The following NOX4 variants were observed in gnomAD, a reference collection of about 807,000 sequenced individuals.
NOX4 encodes NADPH oxidase 4.
Under a neutral mutation model 87.6 loss-of-function variants are expected in NOX4, and 69 were observed. The observed-to-expected ratio is 0.79, with a 90% CI of 0.65 to 0.96. The LOEUF is 0.96. Among genes scored for constraint, NOX4 ranks in the 40% least tolerant of loss-of-function variants. The pLI is 0.00. For missense variants in NOX4, 680 were observed against 681.5 expected, an observed-to-expected ratio of 1.00 and a Z score of 0.02; for synonymous variants, 275 against 238.2, an observed-to-expected ratio of 1.15 and a Z score of -1.42.
chr11:89,486,630 ATACATATATATG>A (rs1946627416), intron 2 of NOX4, among the ~76,000 whole-genome samples: 2 of 131,552 alleles, frequency 1.5e-5, no homozygotes, highest in African/African-American at 6.0e-5. Flanking sequence ...ATGTGTATAT[ATACATATATATG>A]TGTGTATATA....
At chr11:89,489,809 A>G (rs1441717532) in intron 2 of NOX4, among the ~76,000 whole-genome samples, 2 of 152,174 alleles carry the variant, frequency 1.3e-5, no homozygotes, top group African/African-American at 4.8e-5. Context: ...CAGTGACACT[A>G]TCTTCTGTTA....
At chr11:89,327,450 T>C (rs1486254011) in intron 17 of NOX4, among the ~76,000 whole-genome samples, 1 of 152,242 alleles carries the variant, frequency 6.6e-6, no homozygotes, top group African/African-American at 2.4e-5. Flanking sequence ...TCTAGTTCTT[T>C]TTTATTTATG....
At chr11:89,385,567 G>C (rs773012808) in intron 11 of NOX4, among the ~76,000 whole-genome samples, 5 of 152,230 alleles carry the variant, frequency 3.3e-5, no homozygotes, top group South Asian at 2.1e-4. Flanking sequence ...CTTTCATGTA[G>C]GTTACAAGCT....
chr11:89,467,621 C>G (rs968815209), intron 2 of NOX4, among the ~76,000 whole-genome samples: 65 of 152,132 alleles, frequency 4.3e-4, no homozygotes, highest in African/African-American at 1.5e-3. Context: ...TCTGAAGCCT[C>G]TTTCATAAAG....
intron 8 of NOX4, among the ~76,000 whole-genome samples, chr11:89,403,730 C>T (rs764951908): frequency 1.4e-4 from 22 of 151,902 alleles, no homozygotes; most frequent in Admixed American, 3.9e-4. Context: ...ACAATAAGAG[C>T]GAAACTCCGT....
intron 2 of NOX4, among the ~76,000 whole-genome samples, chr11:89,466,913 T>C (rs1945719944): frequency 6.6e-6 from 1 of 152,052 alleles, no homozygotes; most frequent in African/African-American, 2.4e-5. Context: ...TGAGAAATGA[T>C]GTGTAGCAAA....
At chr11:89,554,206 T>A in the NOX4 span, among the ~76,000 whole-genome samples, 1 of 152,100 alleles carries the variant, frequency 6.6e-6, no homozygotes, top group Admixed American at 6.6e-5. Context: ...GGATCTAGCG[T>A]TTTAAAATTG....
chr11:89,441,712 C>T (rs556098260), intron 5 of NOX4, among the ~76,000 whole-genome samples: 13 of 151,842 alleles, frequency 8.6e-5, no homozygotes, highest in Admixed American at 2.0e-4. Context: ...TAAGAAAACC[C>T]AGAAGATGGA....
intron 7 of NOX4, among the ~76,000 whole-genome samples, chr11:89,432,102 CA>C (rs920287202): frequency 2.9e-4 from 41 of 141,968 alleles, no homozygotes; most frequent in Admixed American, 9.5e-4. Flanking sequence ...ATCGCAAGGA[CA>C]AAAAACTATA....
chr11:89,395,500 T>C (rs1941422735), intron 11 of NOX4, among the ~76,000 whole-genome samples: 1 of 152,192 alleles, frequency 6.6e-6, no homozygotes, highest in African/African-American at 2.4e-5. Flanking sequence ...AGAAGCTCTT[T>C]AGTTTAATTA....
intron 12 of NOX4, among the ~76,000 whole-genome samples, chr11:89,365,753 C>T (rs377176549): frequency 3.5e-5 from 2 of 56,660 alleles, no homozygotes; most frequent in Non-Finnish European, 6.5e-5. Flanking sequence ...ACCACGCCCA[C>T]AAAAAAAAAA....
the NOX4 span, among the ~76,000 whole-genome samples, chr11:89,578,138 C>A: frequency 1.3e-5 from 2 of 150,500 alleles, no homozygotes; most frequent in African/African-American, 4.9e-5. Flanking sequence ...TTTACATGTG[C>A]ATCATTTTCC....
At chr11:89,434,324 G>T (rs75999640) in intron 6 of NOX4, among the ~76,000 whole-genome samples, 1 of 151,972 alleles carries the variant, frequency 6.6e-6, no homozygotes, top group Non-Finnish European at 1.5e-5. Context: ...TTGAGTACTC[G>T]CACCTCCTCA....
At chr11:89,587,998 A>G in the NOX4 span, among the ~76,000 whole-genome samples, 2,280 of 152,196 alleles carry the variant, frequency 0.015, 47 homozygotes, top group African/African-American at 0.048. Flanking sequence ...TGTTTTTCTT[A>G]TTATTTCTTA....
At chr11:89,523,030 C>CT in the NOX4 span, among the ~76,000 whole-genome samples, 264 of 151,582 alleles carry the variant, frequency 1.7e-3, no homozygotes, top group Non-Finnish European at 2.7e-3. Context: ...TTTTTCTTTT[C>CT]TTTTTTTTCT....
chr11:89,556,646 C>A, the NOX4 span, among the ~76,000 whole-genome samples: 1 of 151,952 alleles, frequency 6.6e-6, no homozygotes, highest in African/African-American at 2.4e-5. Flanking sequence ...AGAGGCAAGT[C>A]AAAGAAAGTA....
At chr11:89,554,090 AT>A in the NOX4 span, among the ~76,000 whole-genome samples, 284 of 148,292 alleles carry the variant, frequency 1.9e-3, 2 homozygotes, top group African/African-American at 6.3e-3. Context: ...AAAAGGATGT[AT>A]TTTTTTTTTC....
chr11:89,570,300 T>C, the NOX4 span, among the ~76,000 whole-genome samples: 5 of 152,132 alleles, frequency 3.3e-5, no homozygotes, highest in Non-Finnish European at 7.4e-5. Flanking sequence ...GGGAGCTAAA[T>C]ATTGAGTATA....
At chr11:89,508,512 G>T in the NOX4 span, among the ~76,000 whole-genome samples, 1 of 152,030 alleles carries the variant, frequency 6.6e-6, no homozygotes, top group African/African-American at 2.4e-5. Context: ...TGTTTTGAAC[G>T]TGCCAGCTTC....
Sources: allele counts gnomAD v4.1 joint callset (sites outside exome capture counted in the v4.1 genomes callset), GRCh38; gene constraint gnomAD v4.1.1; transcripts MANE v1.5; gene names NCBI Gene and HGNC (gene_info 2026-07-23, HGNC 2026-07-21).